NFIA: variants seen among roughly 807,000 people sequenced by gnomAD.
NFIA encodes the protein nuclear factor 1 A-type.
In NFIA, 8 loss-of-function variants were observed where a neutral mutation model predicts 62.8. The ratio of observed to expected loss-of-function variants is 0.13; its 90% CI spans 0.07 to 0.23. NFIA has a LOEUF of 0.23. Among genes scored for constraint, NFIA ranks in the 10% least tolerant of loss-of-function variants. The probability of loss-of-function intolerance (pLI) is 1.00; values close to 1 mark genes in which losing one functional copy is unlikely to be tolerated. For synonymous variants in NFIA, 235 were observed against 238.1 expected, an observed-to-expected ratio of 0.99 and a Z score of 0.12; for missense variants, 410 against 642.1, an observed-to-expected ratio of 0.64 and a Z score of 3.91.
At chr1:61,422,944 G>A (rs1007308285) in intron 9 of NFIA, among the ~76,000 whole-genome samples, 4 of 152,010 alleles carry the variant, frequency 2.6e-5, no homozygotes, top group African/African-American at 7.3e-5. Flanking sequence ...AGGCAGGACC[G>A]GTATTGTCTA....
rs55752729 is a variant in NFIA, at chr1:61,422,746, T to TAAA, written c.1421-3704_1421-3702dup. ...ACATGGCGAGACCCCCGTCTCTATTTAAAAAAAAAAAAAAAAAGAGCAGTA... is the reference window on the plus strand; with the variant it reads ...ACATGGCGAGACCCCCGTCTCTATTTAAAAAAAAAAAAAAAAAAAAGAGCAGTA... On this transcript the variant is annotated intron_variant, in intron 9 of 10. Coordinates refer to ENST00000403491, the MANE Select transcript of NFIA (RefSeq NM_001134673.4). Among the ~76,000 whole-genome samples, 448 of 135,606 alleles carry TAAA rather than the reference T, an allele frequency of 3.3e-3. 4 individuals carry two copies. Among genetic ancestry groups the TAAA allele is most frequent in the African/African-American group, 0.011 (391 of 36,208 alleles). The allele number at this position is 135,606 out of a possible 152,430, so 89.0% of individuals were successfully genotyped here.
chr1:61,260,077 G>A (rs1017970768), intron 2 of NFIA, among the ~76,000 whole-genome samples: 1 of 152,192 alleles, frequency 6.6e-6, no homozygotes, highest in African/African-American at 2.4e-5. Flanking sequence ...GATGAGTTTT[G>A]AACTAGTGAA....
intron 8 of NFIA, among the ~76,000 whole-genome samples, chr1:61,404,647 G>A (rs1432823756): frequency 1.3e-5 from 2 of 152,158 alleles, no homozygotes; most frequent in African/African-American, 4.8e-5. Context: ...ATGATTTGGG[G>A]TGGTAGAGAA....
At chr1:61,096,459 C>T (rs1344924171) in intron 2 of NFIA, among the ~76,000 whole-genome samples, 1 of 151,950 alleles carries the variant, frequency 6.6e-6, no homozygotes, top group African/African-American at 2.4e-5. Context: ...CTGCCTCGGC[C>T]TGCCAAAGTG....
At chr1:61,162,507 AG>A (rs1649283222) in intron 2 of NFIA, among the ~76,000 whole-genome samples, 2 of 152,294 alleles carry the variant, frequency 1.3e-5, no homozygotes, top group African/African-American at 4.8e-5. Flanking sequence ...CTTTTACCCA[AG>A]GCCTGGGTGG....
intron 2 of NFIA, among the ~76,000 whole-genome samples, chr1:61,203,762 T>C (rs1218570845): frequency 2.6e-5 from 4 of 152,164 alleles, no homozygotes; most frequent in Non-Finnish European, 5.9e-5. Context: ...CTTGTGATGT[T>C]CTTTGTAACA....
chr1:61,288,221 G>A (rs1461961765), intron 3 of NFIA, among the ~76,000 whole-genome samples: 1 of 152,156 alleles, frequency 6.6e-6, no homozygotes, highest in Non-Finnish European at 1.5e-5. Context: ...ATGAAAATAG[G>A]AAATCAGTCA....
intron 3 of NFIA, among the ~76,000 whole-genome samples, chr1:61,315,845 G>T (rs746738376): frequency 6.6e-6 from 1 of 152,224 alleles, no homozygotes; most frequent in Non-Finnish European, 1.5e-5. Flanking sequence ...GCAGAGAACA[G>T]AATGCATATT....
At chr1:61,298,329 T>A (rs930935390) in intron 3 of NFIA, among the ~76,000 whole-genome samples, 1 of 152,146 alleles carries the variant, frequency 6.6e-6, no homozygotes, top group African/African-American at 2.4e-5. Context: ...CATGCAGAAC[T>A]GTGACTCAAG....
intron 3 of NFIA, among the ~76,000 whole-genome samples, chr1:61,326,013 A>G (rs1292608909): frequency 1.3e-5 from 2 of 150,490 alleles, no homozygotes; most frequent in Non-Finnish European, 3.0e-5. Context: ...CATATGTTTT[A>G]CCTTCTAAAT....
chr1:61,264,272 G>A (rs1023089207), intron 2 of NFIA, among the ~76,000 whole-genome samples: 2 of 152,088 alleles, frequency 1.3e-5, no homozygotes, highest in Non-Finnish European at 2.9e-5. Flanking sequence ...GAAATAGCAC[G>A]TATGTTAGAG....
intron 1 of NFIA, among the ~76,000 whole-genome samples, chr1:61,083,385 C>A (rs1646154289): frequency 6.6e-6 from 1 of 152,124 alleles, no homozygotes; most frequent in Admixed American, 6.5e-5. Flanking sequence ...AGCCCCCCGC[C>A]GTCTTCCCGA....
chr1:61,451,618 G>A (rs1043802588), intron 10 of NFIA, among the ~76,000 whole-genome samples: 7 of 152,246 alleles, frequency 4.6e-5, no homozygotes, highest in South Asian at 2.1e-4. Context: ...CTAATTTTAC[G>A]TAACTGGAGC....
chr1:61,115,885 A>C (rs996691773), intron 2 of NFIA, among the ~76,000 whole-genome samples: 19 of 152,188 alleles, frequency 1.2e-4, no homozygotes, highest in African/African-American at 4.6e-4. Context: ...ATAAATTTAA[A>C]GTATGAAACT....
Position 61,352,577 on chromosome 1 carries a change from T to G in NFIA, c.818+10T>G. ...GCACATCCTCTACGAGGTAATTTTATTGGCAGCTCTTGAAGAAATTATGCT... is the reference window on the plus strand; with the variant it reads ...GCACATCCTCTACGAGGTAATTTTAGTGGCAGCTCTTGAAGAAATTATGCT... On this transcript the variant is annotated intron_variant, in intron 5 of 10. Transcript: ENST00000403491. 6.3e-7 allele frequency: 1 copy of G among 1,586,946 alleles called. No individual in the cohort carries two copies. The highest frequency in any genetic ancestry group is 8.7e-7 in the Non-Finnish European group (1 of 1,155,438).
intron 2 of NFIA, among the ~76,000 whole-genome samples, chr1:61,231,878 A>T (rs1654695555): frequency 6.6e-6 from 1 of 152,090 alleles, no homozygotes. Flanking sequence ...ACAACAAAAA[A>T]AAACAAAACA....
chr1:61,408,283 A>G (rs1375158414), intron 9 of NFIA, among the ~76,000 whole-genome samples: 4 of 152,264 alleles, frequency 2.6e-5, no homozygotes, highest in East Asian at 1.9e-4. Context: ...GGCTTGGCCC[A>G]TGGATCTTAG....
At chr1:61,158,818 G>A (rs1164455989) in intron 2 of NFIA, among the ~76,000 whole-genome samples, 1 of 152,188 alleles carries the variant, frequency 6.6e-6, no homozygotes, top group African/African-American at 2.4e-5. Flanking sequence ...CATTAAAGCA[G>A]TATTTAAATA....
intron 2 of NFIA, among the ~76,000 whole-genome samples, chr1:61,222,492 A>G: frequency 6.6e-6 from 1 of 152,058 alleles, no homozygotes; most frequent in East Asian, 1.9e-4. Flanking sequence ...TGTTACCAGG[A>G]GTTTAAAGGT....
Sources: allele counts gnomAD v4.1 joint callset (sites outside exome capture counted in the v4.1 genomes callset), GRCh38; gene constraint gnomAD v4.1.1; transcripts MANE v1.5; gene names NCBI Gene and HGNC (gene_info 2026-07-23, HGNC 2026-07-21).